The following JMY variants were observed in gnomAD, a reference collection of about 807,000 sequenced individuals.
JMY encodes junction mediating and regulatory protein, p53 cofactor, also known as junction-mediating and -regulatory protein.
In JMY, 46 loss-of-function variants were observed where a neutral mutation model predicts 103.3. That is an observed-to-expected ratio of 0.45 (90% CI 0.35 to 0.57). The LOEUF is 0.57. JMY is among the 20% of genes least tolerant of loss of function. The pLI is 0.00. For synonymous variants in JMY, 526 were observed against 489.3 expected, an observed-to-expected ratio of 1.07 and a Z score of -0.99; for missense variants, 1,238 against 1,255.2, an observed-to-expected ratio of 0.99 and a Z score of 0.21.
intron 1 of JMY, among the ~76,000 whole-genome samples, chr5:79,239,818 AAAAG>A (rs1321766010): frequency 2.3e-4 from 34 of 150,626 alleles, no homozygotes; most frequent in East Asian, 8.3e-4. Flanking sequence ...TCAAAAAAAA[AAAAG>A]AAAAGAAAAA....
intron 1 of JMY, among the ~76,000 whole-genome samples, chr5:79,264,027 T>C (rs1745505647): frequency 6.6e-6 from 1 of 152,080 alleles, no homozygotes; most frequent in South Asian, 2.1e-4. Flanking sequence ...CCTCTGGTGA[T>C]CTGCCTGCCT....
chr5:79,248,908 A>C (rs904200051), intron 1 of JMY, among the ~76,000 whole-genome samples: 2 of 151,974 alleles, frequency 1.3e-5, no homozygotes, highest in African/African-American at 4.8e-5. Flanking sequence ...ACAGGTGTGT[A>C]CCACCACGTC....
Position 79,314,665 on chromosome 5 carries a change from C to A in JMY, c.2473C>A (p.Pro825Thr). 1 of 1,607,550 alleles carries A rather than the reference C, an allele frequency of 6.2e-7. No homozygotes were observed. Reference sequence around the variant, plus strand: ...TCCTCCCCCTCCCCCACCACCACCACCTCTGCCTGTTGCTAAGGACAGTGG... The same window carrying A: ...TCCTCCCCCTCCCCCACCACCACCAACTCTGCCTGTTGCTAAGGACAGTGG... ...PPPPPPPPPPPLPVAKDSGPE... is the reference protein window; with the variant it reads ...PPPPPPPPPPTLPVAKDSGPE... Residue 825 changes from proline (P) to threonine (T), a missense_variant, in exon 9 of 11, where the codon CCT becomes ACT. Coordinates refer to ENST00000396137, the MANE Select transcript of JMY (RefSeq NM_152405.5).
At chr5:79,237,921 C>T (rs376871861) in intron 1 of JMY, among the ~76,000 whole-genome samples, 15 of 152,174 alleles carry the variant, frequency 9.9e-5, no homozygotes, top group African/African-American at 3.6e-4. Flanking sequence ...GTAGTAAGTG[C>T]GCTCTGTGTA....
chr5:79,277,259 G>A (rs1745967434), intron 1 of JMY, among the ~76,000 whole-genome samples: 1 of 152,096 alleles, frequency 6.6e-6, no homozygotes, highest in Non-Finnish European at 1.5e-5. Context: ...TTTTGAAGGA[G>A]GTGACAGGTA....
At chr5:79,257,276 C>G (rs1371772038) in intron 1 of JMY, among the ~76,000 whole-genome samples, 1 of 151,952 alleles carries the variant, frequency 6.6e-6, no homozygotes, top group Non-Finnish European at 1.5e-5. Context: ...CAGATCAGGT[C>G]CCTTCCCTAT....
chr5:79,264,865 CAGTA>C (rs2112069818), intron 1 of JMY, among the ~76,000 whole-genome samples: 1 of 152,288 alleles, frequency 6.6e-6, no homozygotes, highest in South Asian at 2.1e-4. Context: ...CATAGAATGA[CAGTA>C]AATGCAGTGA....
At chr5:79,294,877 A>T (rs1293645403) in intron 4 of JMY, among the ~76,000 whole-genome samples, 1 of 151,712 alleles carries the variant, frequency 6.6e-6, no homozygotes, top group African/African-American at 2.4e-5. Flanking sequence ...AAAAAAAGGT[A>T]TATCAGTGTG....
In JMY at chr5:79,316,029, T is replaced by G; in HGVS notation, c.2689T>G (p.Ser897Ala). The G allele has an allele frequency of 6.2e-7, 1 of 1,614,194 alleles. No homozygotes were observed. The highest frequency in any genetic ancestry group is 1.1e-5 in the South Asian group (1 of 91,078). Residue 897 changes from serine to alanine, a missense_variant, in exon 10 of 11, where the codon TCC (serine) becomes GCC (alanine). Transcript: ENST00000396137. ...VSSPMDEVLASLKRGSFHLKK... is the reference protein window; with the variant it reads ...VSSPMDEVLAALKRGSFHLKK... Reference sequence around the variant, plus strand: ...CTCACCCATGGATGAGGTGCTAGCCTCCTTGAAGCGTGGTAGTTTTCATCT... The same window carrying G: ...CTCACCCATGGATGAGGTGCTAGCCGCCTTGAAGCGTGGTAGTTTTCATCT...
chr5:79,265,994 C>G (rs1467680982), intron 1 of JMY, among the ~76,000 whole-genome samples: 1 of 152,080 alleles, frequency 6.6e-6, no homozygotes, highest in Non-Finnish European at 1.5e-5. Flanking sequence ...GTTGGCCATG[C>G]TGGTCTCGAA....
At chr5:79,242,829 G>A (rs531949411) in intron 1 of JMY, among the ~76,000 whole-genome samples, 1 of 151,224 alleles carries the variant, frequency 6.6e-6, no homozygotes, top group African/African-American at 2.4e-5. Context: ...TGTTGCCCAG[G>A]CTGGAGTACA....
At chr5:79,308,375 T>C (rs1321450922) in intron 7 of JMY, among the ~76,000 whole-genome samples, 1 of 152,226 alleles carries the variant, frequency 6.6e-6, no homozygotes, top group Non-Finnish European at 1.5e-5. Flanking sequence ...CTGTGATCCA[T>C]TTTGAGGTAA....
At chr5:79,292,455 A>AT (rs1746449787) in intron 4 of JMY, among the ~76,000 whole-genome samples, 1 of 149,910 alleles carries the variant, frequency 6.7e-6, no homozygotes, top group African/African-American at 2.5e-5. Flanking sequence ...GCAGGCACGC[A>AT]CCCCCCCCAA....
chr5:79,290,395 A>G, intron 3 of JMY, 124 bp downstream of exon 3: 1 of 514,060 alleles, frequency 1.9e-6, no homozygotes. Flanking sequence ...AATTAGAGAA[A>G]ACCACTATTA....
At chr5:79,241,922 A>G (rs1056570927) in intron 1 of JMY, among the ~76,000 whole-genome samples, 6 of 152,088 alleles carry the variant, frequency 3.9e-5, no homozygotes, top group African/African-American at 7.2e-5. Context: ...TGAGGTTTGT[A>G]TTAGTGTATG....
At position 79,248,381 on chromosome 5, in the gene JMY, A is replaced by G. The variant is rs183471248; in HGVS notation, c.1032+10699A>G. On this transcript the variant is annotated intron_variant, in intron 1 of 10. Coordinates refer to ENST00000396137, the MANE Select transcript of JMY (RefSeq NM_152405.5). ...GAGTGCAGTGGCACGATCTCGGCTC[A>G]CTGCAGCCTCTGCCTCCCAGGTGCA... Among the ~76,000 whole-genome samples, 740 of 151,950 alleles carry G rather than the reference A, an allele frequency of 4.9e-3. 5 individuals are homozygous for G. Among genetic ancestry groups the G allele is most frequent in the African/African-American group, 0.017 (698 of 41,416 alleles).
chr5:79,253,506 A>G (rs766411553), intron 1 of JMY, among the ~76,000 whole-genome samples: 9 of 151,982 alleles, frequency 5.9e-5, no homozygotes, highest in Non-Finnish European at 5.9e-5. Flanking sequence ...GTTAGCCAGG[A>G]TAGTCTTGAT....
chr5:79,252,159 G>A (rs1304181174), intron 1 of JMY, among the ~76,000 whole-genome samples: 1 of 152,014 alleles, frequency 6.6e-6, no homozygotes, highest in Non-Finnish European at 1.5e-5. Context: ...GTTTTGGTAT[G>A]TTGTGTTTCC....
chr5:79,248,857 C>G (rs891587235), intron 1 of JMY, among the ~76,000 whole-genome samples: 2 of 152,152 alleles, frequency 1.3e-5, no homozygotes, highest in Non-Finnish European at 2.9e-5. Flanking sequence ...CTCCTGGGCT[C>G]TAGTGATCCT....
Sources: gnomAD v4.1 joint callset for allele counts (sites outside exome capture counted in the v4.1 genomes callset) on GRCh38, gnomAD v4.1.1 for gene constraint, MANE v1.5 for transcripts, NCBI Gene and HGNC (gene_info 2026-07-23, HGNC 2026-07-21) for gene names.